The following CHCHD6 variants were observed in gnomAD, a reference collection of about 807,000 sequenced individuals.
CHCHD6 encodes the protein MICOS complex subunit MIC25.
In CHCHD6, 28 loss-of-function variants were observed where a neutral mutation model predicts 32.3. The observed-to-expected ratio is 0.87, with a 90% CI of 0.64 to 1.19. The LOEUF is 1.19. Among genes scored for constraint, CHCHD6 ranks in the 50% most tolerant of loss-of-function variants. The pLI is 0.00. For synonymous variants in CHCHD6, 122 were observed against 117.5 expected, an observed-to-expected ratio of 1.04 and a Z score of -0.25; for missense variants, 333 against 307.0, an observed-to-expected ratio of 1.08 and a Z score of -0.63.
chr3:126,821,795 T>C (rs1321646490), intron 4 of CHCHD6, among the ~76,000 whole-genome samples: 1 of 151,442 alleles, frequency 6.6e-6, no homozygotes, highest in Non-Finnish European at 1.5e-5. Context: ...TATCTCATTG[T>C]GGTTTTGATT....
At chr3:126,846,539 A>G (rs1384711290) in intron 4 of CHCHD6, among the ~76,000 whole-genome samples, 1 of 152,242 alleles carries the variant, frequency 6.6e-6, no homozygotes, top group African/African-American at 2.4e-5. Context: ...AGTCAAAGAA[A>G]AGATTTTGGA....
intron 4 of CHCHD6, among the ~76,000 whole-genome samples, chr3:126,777,040 TC>T (rs1324108048): frequency 1.3e-5 from 2 of 152,152 alleles, no homozygotes; most frequent in Non-Finnish European, 2.9e-5. Flanking sequence ...CTCAGTCTCT[TC>T]CACCCTCTGT....
chr3:126,784,737 T>C (rs1938117922), intron 4 of CHCHD6, among the ~76,000 whole-genome samples: 1 of 152,222 alleles, frequency 6.6e-6, no homozygotes, highest in Non-Finnish European at 1.5e-5. Context: ...ATCTGACCCC[T>C]CCTCCCCCAG....
chr3:126,915,466 T>G (rs543201883), intron 6 of CHCHD6, among the ~76,000 whole-genome samples: 1 of 152,240 alleles, frequency 6.6e-6, no homozygotes, highest in Non-Finnish European at 1.5e-5. Context: ...TTGGGTCTTA[T>G]GGGTTCTCTG....
intron 1 of CHCHD6, among the ~76,000 whole-genome samples, chr3:126,721,598 A>G (rs1039777768): frequency 6.6e-6 from 1 of 152,200 alleles, no homozygotes; most frequent in Non-Finnish European, 1.5e-5. Context: ...TGTGATTCAC[A>G]TGCTGTACAA....
intron 4 of CHCHD6, among the ~76,000 whole-genome samples, chr3:126,782,380 T>C (rs934268114): frequency 1.3e-5 from 2 of 152,244 alleles, no homozygotes; most frequent in Non-Finnish European, 2.9e-5. Context: ...CTGCGAGCTG[T>C]CTGACATTAC....
Position 126,831,805 on chromosome 3 carries a change from A to G in CHCHD6, c.412-20842A>G, listed in dbSNP as rs76748308. Among the ~76,000 whole-genome samples, 334 of 152,144 alleles carry G rather than the reference A, an allele frequency of 2.2e-3. 1 individual carries two copies. The highest frequency in any genetic ancestry group is 7.7e-3 in the African/African-American group (319 of 41,496). On this transcript the variant is annotated intron_variant, in intron 4 of 7. Coordinates refer to ENST00000290913, the MANE Select transcript of CHCHD6 (RefSeq NM_032343.3). ...CCTTTACCCCCAACTCCTGCCATCA[A>G]GAAGAAGAGTGTGTTTGGTTTAATG...
intron 2 of CHCHD6, among the ~76,000 whole-genome samples, chr3:126,730,214 C>A (rs2218678): frequency 0.93 from 141,112 of 151,872 alleles, 65,652 homozygotes; most frequent in East Asian, 1. Context: ...CAAAGCAATA[C>A]CTTCCCGCAG....
At chr3:126,781,650 C>G (rs1937947401) in intron 4 of CHCHD6, among the ~76,000 whole-genome samples, 1 of 152,220 alleles carries the variant, frequency 6.6e-6, no homozygotes, top group Non-Finnish European at 1.5e-5. Flanking sequence ...GGAGAAGATG[C>G]TGCTGGCAGC....
intron 5 of CHCHD6, among the ~76,000 whole-genome samples, chr3:126,863,586 T>TCCTCCTCC (rs1942063942): frequency 4.8e-5 from 1 of 20,696 alleles, no homozygotes; most frequent in African/African-American, 2.1e-4. Flanking sequence ...CCTCCTCCTC[T>TCCTCCTCC]TCCTCCACCA....
chr3:126,705,929 CTCT>C (rs1934464904), intron 1 of CHCHD6, among the ~76,000 whole-genome samples: 1 of 152,184 alleles, frequency 6.6e-6, no homozygotes, highest in Admixed American at 6.5e-5. Flanking sequence ...GTGGAGGCCT[CTCT>C]TCTTAGCCTA....
rs1041930821 is a variant in CHCHD6 at position 126,728,579 on chromosome 3, C to T, written c.196+1393C>T. On this transcript the variant is annotated intron_variant, in intron 2 of 7. Transcript: ENST00000290913. Reference sequence around the variant, plus strand: ...GTCCTTTACTAATAGGGCTCACTTACTCCCCACGCTGGCTCTAACTAACTG... The same window carrying T: ...GTCCTTTACTAATAGGGCTCACTTATTCCCCACGCTGGCTCTAACTAACTG... Among the ~76,000 whole-genome samples, 3 of 152,238 alleles carry T rather than the reference C, an allele frequency of 2.0e-5. No individual in the cohort carries two copies. The South Asian group carries it at 6.2e-4, about 32-fold the overall frequency.
intron 4 of CHCHD6, among the ~76,000 whole-genome samples, chr3:126,826,614 C>T (rs2107539464): frequency 6.6e-6 from 1 of 152,196 alleles, no homozygotes; most frequent in South Asian, 2.1e-4. Flanking sequence ...AAGGAGGCAT[C>T]ATTATTTCCC....
Position 126,814,193 on chromosome 3 carries a change from GAC to G in CHCHD6, c.412-38450_412-38449del, listed in dbSNP as rs545782185. Among the ~76,000 whole-genome samples the G allele has an allele frequency of 1.3e-4, 20 of 152,342 alleles. 1 individual carries two copies. In the South Asian group the frequency reaches 3.3e-3, roughly 25 times the overall value. ...TCTCTACGGAGAGAACAGAGGGAAA[GAC>G]ACAGTTTATTTTAAAAGCGTTGGCG... On this transcript the variant is annotated intron_variant, in intron 4 of 7. Transcript: ENST00000290913.
chr3:126,847,870 C>A (rs1941344389), intron 4 of CHCHD6, among the ~76,000 whole-genome samples: 1 of 152,140 alleles, frequency 6.6e-6, no homozygotes, highest in Non-Finnish European at 1.5e-5. Context: ...CTCTCTTACC[C>A]CCTTGTCCTC....
At chr3:126,861,675 C>G (rs908524514) in intron 5 of CHCHD6, among the ~76,000 whole-genome samples, 1 of 148,952 alleles carries the variant, frequency 6.7e-6, no homozygotes, top group Non-Finnish European at 1.5e-5. Flanking sequence ...CCATCACCAC[C>G]TTCCCCTCCA....
chr3:126,727,549 A>T (rs114802382), intron 2 of CHCHD6, among the ~76,000 whole-genome samples: 32 of 152,320 alleles, frequency 2.1e-4, no homozygotes, highest in African/African-American at 7.2e-4. Flanking sequence ...TCAAAGAATG[A>T]TGTGGATTCA....
intron 5 of CHCHD6, among the ~76,000 whole-genome samples, chr3:126,893,209 C>T (rs555121349): frequency 4.4e-4 from 67 of 152,284 alleles, no homozygotes; most frequent in African/African-American, 1.6e-3. Flanking sequence ...TCTGCTGTCT[C>T]GGCTGGCCTC....
At chr3:126,764,255 A>G (rs1937275475) in intron 4 of CHCHD6, among the ~76,000 whole-genome samples, 1 of 149,872 alleles carries the variant, frequency 6.7e-6, no homozygotes, top group Non-Finnish European at 1.5e-5. Flanking sequence ...TTACAGCACT[A>G]AACCAGGCAC....
Sources: gnomAD v4.1 joint callset for allele counts (sites outside exome capture counted in the v4.1 genomes callset) on GRCh38, gnomAD v4.1.1 for gene constraint, MANE v1.5 for transcripts, NCBI Gene and HGNC (gene_info 2026-07-23, HGNC 2026-07-21) for gene names.